The following LRRTM4 variants were observed in gnomAD, a reference collection of about 807,000 sequenced individuals.
LRRTM4 encodes the protein leucine-rich repeat transmembrane neuronal protein 4.
LRRTM4 carries 25 observed loss-of-function variants against 47.6 expected under a neutral mutation model. The observed-to-expected ratio is 0.53, with a 90% CI of 0.38 to 0.73. The LOEUF (loss-of-function observed/expected upper bound fraction) is 0.73. Ranked by LOEUF, LRRTM4 falls within the 30% of genes least tolerant of loss-of-function variation. The pLI, the probability that LRRTM4 is intolerant of heterozygous loss-of-function variation, is 0.00. For missense variants in LRRTM4, 638 were observed against 713.4 expected (o/e 0.89, Z 1.20); for synonymous variants, 311 against 269.5 (o/e 1.15, Z -1.51).
intron 3 of LRRTM4, among the ~76,000 whole-genome samples, chr2:76,983,215 G>T (rs1262636239): frequency 6.6e-6 from 1 of 151,994 alleles, no homozygotes; most frequent in Non-Finnish European, 1.5e-5. Context: ...GTAATGGTAT[G>T]GTTAGAATGA....
chr2:76,805,571 G>A (rs72815468), intron 3 of LRRTM4, among the ~76,000 whole-genome samples: 16,970 of 152,080 alleles, frequency 0.11, 1,118 homozygotes, highest in Non-Finnish European at 0.14. Context: ...CCTTCTACCA[G>A]TGAGAACAAG....
At chr2:77,298,439 G>A (rs1677035471) in intron 3 of LRRTM4, among the ~76,000 whole-genome samples, 1 of 152,062 alleles carries the variant, frequency 6.6e-6, no homozygotes, top group Admixed American at 6.6e-5. Flanking sequence ...GGTGTTCACC[G>A]TGTTAGCCAG....
At chr2:77,304,354 T>C (rs1168279559) in intron 3 of LRRTM4, among the ~76,000 whole-genome samples, 1 of 152,168 alleles carries the variant, frequency 6.6e-6, no homozygotes, top group African/African-American at 2.4e-5. Context: ...GTTAAGCCTT[T>C]ATCACATGTA....
At chr2:77,104,345 C>T (rs553848875) in intron 3 of LRRTM4, among the ~76,000 whole-genome samples, 3 of 152,156 alleles carry the variant, frequency 2.0e-5, no homozygotes, top group Non-Finnish European at 2.9e-5. Context: ...TCACTCTCCA[C>T]GTGGTGGTCA....
At chr2:77,302,097 A>G (rs1462552103) in intron 3 of LRRTM4, among the ~76,000 whole-genome samples, 2 of 152,198 alleles carry the variant, frequency 1.3e-5, no homozygotes, top group Non-Finnish European at 2.9e-5. Flanking sequence ...CAGAAAAGCA[A>G]TAGAGGAATA....
chr2:77,396,312 G>A (rs1673700720), intron 3 of LRRTM4, among the ~76,000 whole-genome samples: 1 of 151,746 alleles, frequency 6.6e-6, no homozygotes, highest in Non-Finnish European at 1.5e-5. Context: ...GAACTCAACA[G>A]ACATTGTTTA....
chr2:77,519,058 C>G lies in LRRTM4; in HGVS notation c.811G>C (p.Gly271Arg), dbSNP rs1679362372. ...AAATTGGGGAGGCATTTAAATGTGC[C>G]CGGCTCAATTCCTTGGATGTCATTC... is the stretch of plus-strand genomic sequence containing the variant. ...SGNDIQGIEP[G>R]TFKCLPNLQK... is the part of the protein sequence containing the mutation. Residue 271 changes from glycine to arginine, a missense_variant, in exon 3 of 4, where the codon GGC becomes CGC. Transcript: ENST00000409884. The surrounding 1 kb of genome is among the most constrained non-coding windows in gnomAD (Gnocchi z 4.6). The G allele has an allele frequency of 2.5e-6, 4 of 1,612,408 alleles. No individual in the cohort carries two copies. Among genetic ancestry groups the G allele is most frequent in the Non-Finnish European group, 3.4e-6 (4 of 1,179,248 alleles).
At chr2:77,172,950 A>G (rs545658940) in intron 3 of LRRTM4, among the ~76,000 whole-genome samples, 10 of 152,194 alleles carry the variant, frequency 6.6e-5, no homozygotes, top group African/African-American at 9.7e-5. Flanking sequence ...TTAAAAGATA[A>G]GTATGTTCAG....
chr2:77,499,817 TCCCTGG>T (rs1410975896), intron 3 of LRRTM4, among the ~76,000 whole-genome samples: 1 of 151,834 alleles, frequency 6.6e-6, no homozygotes, highest in Non-Finnish European at 1.5e-5. Flanking sequence ...TACCTCTCCT[TCCCTGG>T]AAGGCATATG....
At chr2:77,350,927 C>G (rs553380438) in intron 3 of LRRTM4, among the ~76,000 whole-genome samples, 3 of 152,054 alleles carry the variant, frequency 2.0e-5, no homozygotes, top group Non-Finnish European at 4.4e-5. Flanking sequence ...ACTTTTTTAA[C>G]TTGCATTTTA....
In LRRTM4 at chr2:77,098,197, G is replaced by A. The variant is rs567859252; in HGVS notation, c.1552-349281C>T. The stretch of plus-strand genomic sequence containing the variant: ...TTTAAAAAAAAATTTTGTGGAAGAA[G>A]GCGGCCACGATTAGTCAAGTTAACT... On this transcript the variant is annotated intron_variant, in intron 3 of 3. Coordinates refer to ENST00000409884, the MANE Select transcript of LRRTM4 (RefSeq NM_001134745.3). Among the ~76,000 whole-genome samples the A allele has an allele frequency of 2.0e-5, 3 of 152,114 alleles. No individual in the cohort carries two copies. The South Asian group carries it at 6.2e-4, about 32-fold the overall frequency.
intron 3 of LRRTM4, among the ~76,000 whole-genome samples, chr2:76,901,371 G>C (rs964881160): frequency 6.6e-6 from 1 of 152,106 alleles, no homozygotes; most frequent in African/African-American, 2.4e-5. Context: ...TCCCTGAAAA[G>C]TATGTTATCT....
At chr2:77,274,196 A>G (rs528819253) in intron 3 of LRRTM4, among the ~76,000 whole-genome samples, 58 of 152,030 alleles carry the variant, frequency 3.8e-4, no homozygotes, top group Non-Finnish European at 7.7e-4. Context: ...ACCAGGCAAG[A>G]TATTTGTTTC....
At chr2:77,482,420 C>T (rs1677741904) in intron 3 of LRRTM4, among the ~76,000 whole-genome samples, 2 of 138,228 alleles carry the variant, frequency 1.4e-5, no homozygotes, top group Admixed American at 1.5e-4. Flanking sequence ...AACACAAAAA[C>T]ATCCATAGAA....
intron 3 of LRRTM4, among the ~76,000 whole-genome samples, chr2:77,309,681 T>TGATAGATA (rs3084674): frequency 6.0e-4 from 88 of 147,326 alleles, no homozygotes; most frequent in Admixed American, 2.5e-3. Flanking sequence ...GATAGACAGA[T>TGATAGATA]GATAGATAGA....
At chr2:76,812,801 CCT>C (rs1471344469) in intron 3 of LRRTM4, among the ~76,000 whole-genome samples, 24 of 106,276 alleles carry the variant, frequency 2.3e-4, no homozygotes, top group South Asian at 2.1e-3. Context: ...TCCCCCCCCT[CCT>C]CCTCCTTATT....
chr2:76,911,901 G>C (rs1000423431), intron 3 of LRRTM4, among the ~76,000 whole-genome samples: 1 of 132,278 alleles, frequency 7.6e-6, no homozygotes, highest in Non-Finnish European at 1.6e-5. Flanking sequence ...CTACTAACAT[G>C]AATTACAAAG....
intron 3 of LRRTM4, among the ~76,000 whole-genome samples, chr2:76,912,669 T>C (rs1018651292): frequency 2.6e-5 from 4 of 152,230 alleles, no homozygotes; most frequent in African/African-American, 9.6e-5. Flanking sequence ...TAATCCCCAT[T>C]GCTGGAGGTG....
chr2:76,791,602 A>G (rs1674976316), intron 3 of LRRTM4, among the ~76,000 whole-genome samples: 1 of 152,200 alleles, frequency 6.6e-6, no homozygotes, highest in Non-Finnish European at 1.5e-5. Context: ...ACAAGGGGAA[A>G]CACAGTAAAT....
Sources: allele counts gnomAD v4.1 joint callset (sites outside exome capture counted in the v4.1 genomes callset), GRCh38; gene constraint gnomAD v4.1.1; non-coding constraint Gnocchi (gnomAD v3.1); transcripts MANE v1.5; gene names NCBI Gene and HGNC (gene_info 2026-07-23, HGNC 2026-07-21).